CA5A: variants seen among roughly 807,000 people sequenced by gnomAD.
The protein encoded by CA5A is carbonic anhydrase 5A, mitochondrial.
A neutral mutation model predicts 37.1 loss-of-function variants in CA5A; 28 were observed. The ratio of observed to expected loss-of-function variants is 0.75; its 90% CI spans 0.56 to 1.03. The LOEUF is 1.03. CA5A is among the 50% of genes least tolerant of loss of function. The pLI, the probability that CA5A is intolerant of heterozygous loss-of-function variation, is 0.00. For missense variants in CA5A, 444 were observed against 399.9 expected, an observed-to-expected ratio of 1.11 and a Z score of -0.94; for synonymous variants, 171 against 158.4, an observed-to-expected ratio of 1.08 and a Z score of -0.60.
At chr16:87,926,672 T>C in intron 2 of CA5A, 76 bp downstream of exon 2, 1 of 1,184,558 alleles carries the variant, frequency 8.4e-7, no homozygotes, top group Non-Finnish European at 1.2e-6. Context: ...CTCCTCCCCC[T>C]TCTCCGCGAA....
chr16:87,921,640 C>T (rs538256588), intron 2 of CA5A, among the ~76,000 whole-genome samples: 11 of 152,128 alleles, frequency 7.2e-5, no homozygotes, highest in African/African-American at 2.4e-4. Flanking sequence ...GAATGGGAGT[C>T]GGGGATGGGC....
At chr16:87,928,871 T>G (rs1193618641) in intron 1 of CA5A, among the ~76,000 whole-genome samples, 1 of 145,078 alleles carries the variant, frequency 6.9e-6, no homozygotes, top group Non-Finnish European at 1.5e-5. Context: ...CAGGTTCAAG[T>G]GGTTCTACTG....
At chr16:87,908,164 G>A (rs568587351) in intron 2 of CA5A, among the ~76,000 whole-genome samples, 49 of 152,282 alleles carry the variant, frequency 3.2e-4, no homozygotes, top group African/African-American at 8.4e-4. Flanking sequence ...TTGGGGAACC[G>A]CCTGGGATCT....
intron 2 of CA5A, among the ~76,000 whole-genome samples, chr16:87,920,650 C>T (rs1187285607): frequency 6.6e-6 from 1 of 151,856 alleles, no homozygotes; most frequent in African/African-American, 2.4e-5. Context: ...CTAAATCTCA[C>T]TTTGTTGCCC....
chr16:87,926,278 G>T (rs539661090), intron 2 of CA5A, among the ~76,000 whole-genome samples: 1 of 152,284 alleles, frequency 6.6e-6, no homozygotes, highest in East Asian at 1.9e-4. Flanking sequence ...GCTGAAGCCT[G>T]CAGTGGTCTC....
intron 2 of CA5A, among the ~76,000 whole-genome samples, chr16:87,924,629 A>C (rs1324440108): frequency 6.6e-6 from 1 of 152,264 alleles, no homozygotes; most frequent in African/African-American, 2.4e-5. Context: ...CTGAAATGCA[A>C]GCACCATGTC....
chr16:87,909,003 T>TTTTG, intron 2 of CA5A, among the ~76,000 whole-genome samples: 1 of 151,228 alleles, frequency 6.6e-6, no homozygotes, highest in African/African-American at 2.4e-5. Flanking sequence ...TTTTTTTTTT[T>TTTTG]TGTATTTTTA....
chr16:87,922,503 A>G (rs778507573), intron 2 of CA5A, among the ~76,000 whole-genome samples: 3 of 152,236 alleles, frequency 2.0e-5, no homozygotes, highest in Non-Finnish European at 4.4e-5. Flanking sequence ...CTGAACAGAA[A>G]ATGACAAGTG....
intron 3 of CA5A, among the ~76,000 whole-genome samples, chr16:87,902,750 CA>C (rs35068596): frequency 0.35 from 50,199 of 144,572 alleles, 9,273 homozygotes; most frequent in African/African-American, 0.52. Context: ...ACTAAAAATA[CA>C]AAAAAAAAAA....
At chr16:87,908,660 T>A (rs1253971078) in intron 2 of CA5A, among the ~76,000 whole-genome samples, 1 of 152,176 alleles carries the variant, frequency 6.6e-6, no homozygotes, top group African/African-American at 2.4e-5. Flanking sequence ...CGGAAGGGAC[T>A]TGTGAGCCCT....
intron 1 of CA5A, among the ~76,000 whole-genome samples, chr16:87,932,582 A>C (rs1396805023): frequency 6.6e-6 from 1 of 152,176 alleles, no homozygotes; most frequent in African/African-American, 2.4e-5. Flanking sequence ...GTAGGGCTCC[A>C]ATGGGAGGCA....
chr16:87,929,367 G>A (rs1227667762), intron 1 of CA5A, among the ~76,000 whole-genome samples: 2 of 150,010 alleles, frequency 1.3e-5, no homozygotes, highest in East Asian at 2.0e-4. Flanking sequence ...CAGGAGAATG[G>A]CTTGAATCTG....
intron 5 of CA5A, among the ~76,000 whole-genome samples, chr16:87,900,758 G>A (rs1221440212): frequency 2.0e-5 from 3 of 152,234 alleles, no homozygotes; most frequent in Non-Finnish European, 4.4e-5. Context: ...GCTTGGGGTC[G>A]GACAGGGACG....
At chr16:87,908,446 C>T (rs568726430) in intron 2 of CA5A, among the ~76,000 whole-genome samples, 6 of 152,316 alleles carry the variant, frequency 3.9e-5, no homozygotes, top group Non-Finnish European at 5.9e-5. Context: ...AGTTACTACA[C>T]GTTTCTCCTG....
intron 2 of CA5A, among the ~76,000 whole-genome samples, chr16:87,913,911 T>C (rs956473809): frequency 3.3e-5 from 5 of 152,182 alleles, no homozygotes; most frequent in Non-Finnish European, 7.3e-5. Context: ...GAAGCTTAAG[T>C]GACGTCTACC....
chr16:87,921,495 GA>G (rs916058033), intron 2 of CA5A, among the ~76,000 whole-genome samples: 3 of 152,124 alleles, frequency 2.0e-5, no homozygotes, highest in Admixed American at 1.3e-4. Flanking sequence ...ATACGTCCTA[GA>G]AAAAAACTCC....
intron 1 of CA5A, among the ~76,000 whole-genome samples, chr16:87,935,841 A>C (rs2056463445): frequency 6.6e-6 from 1 of 151,210 alleles, no homozygotes; most frequent in Non-Finnish European, 1.5e-5. Context: ...ATGCCATTGC[A>C]CTCTAGCCTG....
intron 2 of CA5A, chr16:87,924,150 C>T (rs560694422): frequency 1.0e-6 from 1 of 985,428 alleles, no homozygotes; most frequent in Non-Finnish European, 1.2e-6. Context: ...CCCACTTTCC[C>T]TCTTCTTCTC....
At chr16:87,910,934 G>C (rs2056041239) in intron 2 of CA5A, among the ~76,000 whole-genome samples, 1 of 151,836 alleles carries the variant, frequency 6.6e-6, no homozygotes, top group South Asian at 2.1e-4. Context: ...ATTTTTAGTA[G>C]AGACGGGGTT....
Sources: allele counts gnomAD v4.1 joint callset (sites outside exome capture counted in the v4.1 genomes callset), GRCh38; gene constraint gnomAD v4.1.1; transcripts MANE v1.5; gene names NCBI Gene and HGNC (gene_info 2026-07-23, HGNC 2026-07-21).